Variants in PLCZ1 observed in about 807,000 individuals in gnomAD.
PLCZ1 encodes the protein phospholipase C zeta 1, also known as 1-phosphatidylinositol 4,5-bisphosphate phosphodiesterase zeta-1.
Under a neutral mutation model 76.8 loss-of-function variants are expected in PLCZ1, and 64 were observed. The ratio of observed to expected loss-of-function variants is 0.83; its 90% CI spans 0.68 to 1.03. The LOEUF (loss-of-function observed/expected upper bound fraction) is 1.03. Ranked by LOEUF, PLCZ1 falls within the 50% of genes least tolerant of loss-of-function variation. PLCZ1 has a pLI of 0.00. For missense variants in PLCZ1, 751 were observed against 713.7 expected, an observed-to-expected ratio of 1.05 and a Z score of -0.60; for synonymous variants, 248 against 230.8, an observed-to-expected ratio of 1.07 and a Z score of -0.68.
intron 5 of PLCZ1, among the ~76,000 whole-genome samples, chr12:18,716,537 G>A (rs1163204920): frequency 6.6e-6 from 1 of 152,170 alleles, no homozygotes; most frequent in Non-Finnish European, 1.5e-5. Flanking sequence ...TGGAAACAGA[G>A]AAAATTTCTC....
the PLCZ1 span, among the ~76,000 whole-genome samples, chr12:18,674,845 C>T: frequency 2.5e-4 from 38 of 152,210 alleles, no homozygotes; most frequent in Non-Finnish European, 4.4e-4. Flanking sequence ...TGCTCTTGTC[C>T]GCTTAGAACA....
At chr12:18,730,800 C>T (rs1351772215) in intron 3 of PLCZ1, among the ~76,000 whole-genome samples, 1 of 152,132 alleles carries the variant, frequency 6.6e-6, no homozygotes, top group Non-Finnish European at 1.5e-5. Context: ...ATTTACATTT[C>T]ACATTTGATA....
At chr12:18,704,090 T>C (rs1956276364) in intron 7 of PLCZ1, among the ~76,000 whole-genome samples, 1 of 152,118 alleles carries the variant, frequency 6.6e-6, no homozygotes, top group South Asian at 2.1e-4. Context: ...GGCTAAAGAA[T>C]GTGGTGTTAC....
chr12:18,701,901 T>C (rs1565687619), intron 7 of PLCZ1, 125 bp from the exon 8 acceptor site: 1 of 1,350,424 alleles, frequency 7.4e-7, no homozygotes, highest in Non-Finnish European at 9.9e-7. Context: ...AAGAACTCCA[T>C]TTTTTCCCAT....
chr12:18,736,959 A>G (rs1285130503), intron 2 of PLCZ1, among the ~76,000 whole-genome samples: 2 of 152,028 alleles, frequency 1.3e-5, no homozygotes, highest in Non-Finnish European at 2.9e-5. Context: ...AAACGAAAAA[A>G]ATTTTTAAAA....
chr12:18,717,544 C>A (rs963904055), intron 5 of PLCZ1, among the ~76,000 whole-genome samples: 3 of 152,086 alleles, frequency 2.0e-5, no homozygotes, highest in Non-Finnish European at 2.9e-5. Flanking sequence ...CTTCTGAATT[C>A]CACACACACA....
chr12:18,683,201 C>G lies in PLCZ1; in HGVS notation c.*38G>C. ...GACATTCATTTTGGCTGTTTTATTGCGATGCATAGCTAATGATATGTCATT... is the reference window on the plus strand; with the variant it reads ...GACATTCATTTTGGCTGTTTTATTGGGATGCATAGCTAATGATATGTCATT... On this transcript the variant is annotated 3_prime_UTR_variant, in exon 15 of 15. Transcript: ENST00000266505. The G allele has an allele frequency of 3.9e-6, 6 of 1,550,478 alleles. No homozygotes were observed. The highest frequency in any genetic ancestry group is 3.3e-5 in the South Asian group (3 of 89,698).
At chr12:18,661,472 A>G in the PLCZ1 span, among the ~76,000 whole-genome samples, 1 of 152,122 alleles carries the variant, frequency 6.6e-6, no homozygotes, top group South Asian at 2.1e-4. Context: ...GCTAAAAGAA[A>G]AACAACTGTC....
chr12:18,709,345 T>C (rs1324428828), intron 6 of PLCZ1, among the ~76,000 whole-genome samples: 1 of 152,168 alleles, frequency 6.6e-6, no homozygotes, highest in African/African-American at 2.4e-5. Flanking sequence ...GGTTGATCTC[T>C]AGGCTCTCTA....
intron 3 of PLCZ1, among the ~76,000 whole-genome samples, chr12:18,724,355 G>C (rs1042195793): frequency 6.6e-6 from 1 of 152,044 alleles, no homozygotes. Flanking sequence ...AGAATGACTG[G>C]GGTCAGGGAG....
chr12:18,650,704 GTATATATCTATATATATATATATATA>G, the PLCZ1 span, among the ~76,000 whole-genome samples: 5 of 57,762 alleles, frequency 8.7e-5, no homozygotes, highest in African/African-American at 2.6e-4. Flanking sequence ...GTGTGTGTGT[GTATATATCTATATATATATATATATA>G]TATATATATA....
rs896729173 is a variant in PLCZ1, at chr12:18,684,009, C to T, written c.1741+121G>A. 2.8e-5 allele frequency: 33 copies of T among 1,177,486 alleles called. No individual in the cohort carries two copies. The African/African-American group carries it at 4.0e-4, about 14-fold the overall frequency. The allele number at this position is 1,177,486 out of a possible 1,614,324, so 72.9% of individuals were successfully genotyped here. A position where few individuals can be genotyped will look rare whatever the true frequency, so the allele number is the denominator to read the frequency against. ...CACAGAGAAAAAATATGTGTCAATA[C>T]ATAAAATTTCCTTTACATCCTACTT... On this transcript the variant is annotated intron_variant, in intron 14 of 14. Coordinates refer to ENST00000266505, the MANE Select transcript of PLCZ1 (RefSeq NM_033123.4).
the PLCZ1 span, among the ~76,000 whole-genome samples, chr12:18,653,149 A>C: frequency 6.6e-6 from 1 of 152,160 alleles, no homozygotes; most frequent in African/African-American, 2.4e-5. Flanking sequence ...CTAATATCAT[A>C]AAACAAAGTG....
At chr12:18,690,119 G>GA (rs1953837944) in intron 12 of PLCZ1, among the ~76,000 whole-genome samples, 2 of 152,070 alleles carry the variant, frequency 1.3e-5, no homozygotes, top group Non-Finnish European at 2.9e-5. Flanking sequence ...TTCATAACAG[G>GA]AAAAATAATG....
At chr12:18,699,257 T>C (rs1955545436) in intron 10 of PLCZ1, among the ~76,000 whole-genome samples, 1 of 152,202 alleles carries the variant, frequency 6.6e-6, no homozygotes, top group Non-Finnish European at 1.5e-5. Context: ...CCAAGTCTGA[T>C]TAACCCTACC....
At chr12:18,695,722 G>A (rs912935811) in intron 11 of PLCZ1, among the ~76,000 whole-genome samples, 1 of 151,974 alleles carries the variant, frequency 6.6e-6, no homozygotes, top group African/African-American at 2.4e-5. Context: ...GTCTGGTGAG[G>A]GCAAATAACC....
chr12:18,657,658 G>A, the PLCZ1 span, among the ~76,000 whole-genome samples: 1 of 152,070 alleles, frequency 6.6e-6, no homozygotes, highest in Middle Eastern at 3.2e-3. Flanking sequence ...GTTCAGAGAA[G>A]GCACTAAACA....
intron 12 of PLCZ1, among the ~76,000 whole-genome samples, chr12:18,692,420 T>A (rs1453799730): frequency 1.3e-5 from 2 of 152,170 alleles, no homozygotes; most frequent in Non-Finnish European, 2.9e-5. Flanking sequence ...AAAATAAGCA[T>A]AGCACTTAGG....
At chr12:18,667,458 C>T in the PLCZ1 span, among the ~76,000 whole-genome samples, 1 of 152,142 alleles carries the variant, frequency 6.6e-6, no homozygotes, top group African/African-American at 2.4e-5. Context: ...TTTGACAACA[C>T]TAAGTACTAT....
Sources: allele counts gnomAD v4.1 joint callset (sites outside exome capture counted in the v4.1 genomes callset), GRCh38; gene constraint gnomAD v4.1.1; transcripts MANE v1.5; gene names NCBI Gene and HGNC (gene_info 2026-07-23, HGNC 2026-07-21).